Variants in CERS5 observed in about 807,000 individuals in gnomAD.
The protein encoded by CERS5 is LAG1 homolog, ceramide synthase 5.
CERS5 carries 37 observed loss-of-function variants against 58.9 expected under a neutral mutation model. The ratio of observed to expected loss-of-function variants is 0.63; its 90% CI spans 0.48 to 0.83. The LOEUF is 0.83. Ranked by LOEUF, CERS5 falls within the 40% of genes least tolerant of loss-of-function variation. The pLI is 0.00. For synonymous variants in CERS5, 147 were observed against 177.8 expected (o/e 0.83, Z 1.38); for missense variants, 398 against 489.3 (o/e 0.81, Z 1.76).
rs1042249169 is a variant in CERS5, at chr12:50,138,360, G to A, written c.543+207C>T. Among the ~76,000 whole-genome samples, 11 of 151,544 alleles carry A rather than the reference G, an allele frequency of 7.3e-5. 1 individual carries two copies. The East Asian group carries it at 9.7e-4, about 13-fold the overall frequency. On this transcript the variant is annotated intron_variant, in intron 5 of 9. Transcript: ENST00000317551. The stretch of plus-strand genomic sequence containing the variant: ...AACTCATTGGATTTCATTGCTATGG[G>A]GGCCTCAGGAATAGATACCTCATAT...
Position 50,132,908 on chromosome 12 carries a change from A to G in CERS5, c.1029+1638T>C, listed in dbSNP as rs537870793. The G allele has an allele frequency of 5.4e-6, 7 of 1,286,178 alleles. No individual in the cohort carries two copies. In the South Asian group the frequency reaches 7.4e-5, roughly 14 times the overall value. The allele number at this position is 1,286,178 out of a possible 1,614,324, so 79.7% of individuals were successfully genotyped here. ...AGAAAGGAGAGCAGGAGGAAAGAGA[A>G]CCACATTCAGATGGACATGCCTCAC... is the stretch of plus-strand genomic sequence containing the variant. On this transcript the variant is annotated intron_variant, in intron 9 of 9. Transcript: ENST00000317551.
intron 9 of CERS5, chr12:50,133,256 T>C: frequency 3.7e-6 from 4 of 1,078,984 alleles, no homozygotes; most frequent in Non-Finnish European, 4.5e-6. Context: ...CCCTCCCACT[T>C]GGGATTCTGT....
chr12:50,143,583 C>CA, intron 2 of CERS5: 1 of 245,476 alleles, frequency 4.1e-6, no homozygotes, highest in Non-Finnish European at 7.8e-6. Context: ...CTTGTCTCTC[C>CA]AAAAAACAAA....
rs78501653 is a variant in CERS5 at position 50,167,303 on chromosome 12, G to A, written c.-6C>T. The A allele has an allele frequency of 1.7e-3, 2,588 of 1,486,762 alleles. 31 individuals are homozygous for A. The African/African-American group carries it at 0.027, about 16-fold the overall frequency. 92.1% of individuals were successfully genotyped at this position (1,486,762 alleles called of 1,614,324 possible). A position where few individuals can be genotyped will look rare whatever the true frequency, so the allele number is the denominator to read the frequency against. On this transcript the variant is annotated 5_prime_UTR_variant, in exon 1 of 10. Transcript: ENST00000317551. The stretch of plus-strand genomic sequence containing the variant: ...CCCTGCGCTGCTGTCGCCATCTTAC[G>A]CCCACCCCGAAGCCACCGCCGCCAC...
intron 9 of CERS5, chr12:50,132,893 G>A: frequency 1.6e-6 from 2 of 1,277,958 alleles, no homozygotes; most frequent in South Asian, 2.5e-5. Context: ...AGAAAGGAGA[G>A]CAGGAGGAAA....
chr12:50,148,462 C>T lies in CERS5; in HGVS notation c.198-4405G>A, dbSNP rs184096118. On this transcript the variant is annotated intron_variant, in intron 1 of 9. Transcript: ENST00000317551. ...AAATACAAAAATTAGCCAGGCATGG[C>T]GGCACATACCTGTAGTCCCAGCTGC... 1.8e-4 allele frequency: 41 copies of T among 229,216 alleles called. No individual in the cohort carries two copies. In the East Asian group the frequency reaches 4.9e-3, roughly 27 times the overall value. 14.2% of individuals were successfully genotyped at this position (229,216 alleles called of 1,614,324 possible).
intron 9 of CERS5, chr12:50,132,828 A>C: frequency 9.0e-7 from 1 of 1,115,344 alleles, no homozygotes; most frequent in Non-Finnish European, 1.1e-6. Context: ...TCTAGTCAAT[A>C]ATGGCCCCGA....
At chr12:50,144,835 T>C in intron 1 of CERS5, 1 of 1,502,604 alleles carries the variant, frequency 6.7e-7, no homozygotes, top group Non-Finnish European at 8.9e-7. Context: ...AGGATTTAAA[T>C]TTTTAAAAAG....
intron 9 of CERS5, among the ~76,000 whole-genome samples, chr12:50,130,951 C>T (rs1293875677): frequency 6.6e-6 from 1 of 152,194 alleles, no homozygotes; most frequent in African/African-American, 2.4e-5. Flanking sequence ...CTTTCAGGAC[C>T]AGCCTAAGAG....
At chr12:50,155,665 A>T (rs748744312) in intron 1 of CERS5, among the ~76,000 whole-genome samples, 2 of 137,254 alleles carry the variant, frequency 1.5e-5, no homozygotes, top group African/African-American at 5.4e-5. Flanking sequence ...TGAACCCGGG[A>T]GGCAGAGCTT....
intron 9 of CERS5, among the ~76,000 whole-genome samples, chr12:50,132,002 G>A (rs532818555): frequency 1.3e-5 from 2 of 152,218 alleles, no homozygotes; most frequent in South Asian, 4.1e-4. Flanking sequence ...CTACTTGGGA[G>A]GCTGAGGCAG....
intron 4 of CERS5, among the ~76,000 whole-genome samples, chr12:50,140,739 A>C (rs1951927675): frequency 6.6e-6 from 1 of 152,164 alleles, no homozygotes; most frequent in South Asian, 2.1e-4. Context: ...CATGCACTTG[A>C]AAATTATATG....
intron 1 of CERS5, among the ~76,000 whole-genome samples, chr12:50,151,980 G>A (rs1938017653): frequency 6.6e-6 from 1 of 152,130 alleles, no homozygotes; most frequent in Non-Finnish European, 1.5e-5. Flanking sequence ...ATAACGTATG[G>A]CTGTCATTCC....
chr12:50,137,850 C>G (rs778158310), intron 5 of CERS5, 30 bp from the exon 6 acceptor site: 1 of 1,447,726 alleles, frequency 6.9e-7, no homozygotes, highest in Non-Finnish European at 9.7e-7. Context: ...AGTTAGATTA[C>G]CGGCTAGTCA....
chr12:50,155,736 C>CAAAAAAAAA (rs146913126), intron 1 of CERS5, among the ~76,000 whole-genome samples: 1 of 21,478 alleles, frequency 4.7e-5, no homozygotes, highest in African/African-American at 2.0e-4. Context: ...GACTCCATCT[C>CAAAAAAAAA]AAAAAAAAAA....
At chr12:50,135,031 T>C (rs1951555094) in intron 8 of CERS5, among the ~76,000 whole-genome samples, 1 of 150,464 alleles carries the variant, frequency 6.6e-6, no homozygotes, top group South Asian at 2.1e-4. Context: ...CAGGCACATA[T>C]AGGATAGGAC....
intron 1 of CERS5, chr12:50,153,966 A>G (rs1242768804): frequency 1.2e-5 from 4 of 323,688 alleles, no homozygotes; most frequent in Non-Finnish European, 2.5e-5. Flanking sequence ...AAACAACAAC[A>G]ACAAAACACA....
At chr12:50,159,148 C>G (rs1283901250) in intron 1 of CERS5, among the ~76,000 whole-genome samples, 1 of 152,026 alleles carries the variant, frequency 6.6e-6, no homozygotes, top group Non-Finnish European at 1.5e-5. Flanking sequence ...GGTGAAACCC[C>G]ATCTCTATTA....
intron 9 of CERS5, among the ~76,000 whole-genome samples, chr12:50,132,316 C>G (rs1329070596): frequency 6.6e-6 from 1 of 151,886 alleles, no homozygotes; most frequent in Non-Finnish European, 1.5e-5. Context: ...GCAGGAGACT[C>G]GCTTGAACTG....
Sources: allele counts gnomAD v4.1 joint callset (sites outside exome capture counted in the v4.1 genomes callset), GRCh38; gene constraint gnomAD v4.1.1; transcripts MANE v1.5; gene names NCBI Gene and HGNC (gene_info 2026-07-23, HGNC 2026-07-21).